The following SLC9A7 variants were observed in gnomAD, a reference collection of about 807,000 sequenced individuals.
The protein encoded by SLC9A7 is solute carrier family 9 member A7, also known as sodium/hydrogen exchanger 7.
SLC9A7 carries 19 observed loss-of-function variants against 52.6 expected under a neutral mutation model. The ratio of observed to expected loss-of-function variants is 0.36; its 90% CI spans 0.25 to 0.53. SLC9A7 has a LOEUF of 0.53. SLC9A7 is among the 20% of genes least tolerant of loss of function. The probability of loss-of-function intolerance (pLI) is 0.91; values close to 1 mark genes in which losing one functional copy is unlikely to be tolerated. For synonymous variants in SLC9A7, 226 were observed against 252.1 expected (o/e 0.90, Z 0.98); for missense variants, 455 against 597.9 (o/e 0.76, Z 2.49).
chrX:46,661,299 C>G (rs1943816708), intron 7 of SLC9A7, among the ~76,000 whole-genome samples: 1 of 109,719 alleles, frequency 9.1e-6, no homozygotes, highest in African/African-American at 3.3e-5. Context: ...GTGCAGCGCA[C>G]CAGCATGGCA....
chrX:46,739,708 T>C (rs1921195193), intron 1 of SLC9A7, among the ~76,000 whole-genome samples: 1 of 111,748 alleles, frequency 8.9e-6, no homozygotes, highest in South Asian at 3.7e-4. Context: ...TGGTAAACAG[T>C]TGTCTCCTAC....
chrX:46,684,018 T>A (rs1378934035), intron 1 of SLC9A7, among the ~76,000 whole-genome samples: 1 of 112,043 alleles, frequency 8.9e-6, no homozygotes. Flanking sequence ...AAAATCTGCA[T>A]CTGTGTTGTG....
intron 14 of SLC9A7, among the ~76,000 whole-genome samples, chrX:46,630,753 T>C (rs1298193358): frequency 2.7e-5 from 3 of 112,172 alleles, no homozygotes; most frequent in Non-Finnish European, 5.6e-5. Flanking sequence ...TCCCCTCCCA[T>C]TGGGTCTGGG....
chrX:46,662,225 A>G, intron 6 of SLC9A7, 68 bp from the exon 7 acceptor site: 1 of 990,037 alleles, frequency 1.0e-6, no homozygotes, highest in Non-Finnish European at 1.4e-6. Flanking sequence ...ACTTGAAAAT[A>G]TCGACAAACA....
intron 5 of SLC9A7, 78 bp from the exon 6 acceptor site, chrX:46,662,721 A>G: frequency 2.8e-6 from 2 of 722,049 alleles, no homozygotes; most frequent in East Asian, 6.8e-5. Context: ...TATAGAGGCA[A>G]TTCCTATCTT....
Position 46,758,942 on chromosome X carries a change from CCAGCAGCAGCGG to C in SLC9A7, c.76_87del (p.Pro26_Leu29del). On this transcript the variant is annotated inframe_deletion, in exon 1 of 17. Coordinates refer to ENST00000616978, the MANE Select transcript of SLC9A7 (RefSeq NM_001257291.2). ...GCGGCCGCGACTCGCAGCCCCCAAC[CCAGCAGCAGCGG>C]CAGCAGCAGCAGCCGCGGCGGCGGC... 3.6e-6 allele frequency: 4 copies of C among 1,098,067 alleles called. No homozygotes were observed. Among genetic ancestry groups the C allele is most frequent in the South Asian group, 4.7e-5 (2 of 42,250 alleles). The allele number at this position is 1,098,067 out of a possible 1,213,427, so 90.5% of individuals were successfully genotyped here.
intron 3 of SLC9A7, among the ~76,000 whole-genome samples, chrX:46,673,842 C>A (rs986221801): frequency 6.2e-5 from 7 of 112,025 alleles, no homozygotes; most frequent in African/African-American, 2.3e-4. Context: ...TGCCCCTAAG[C>A]CACCTGCTCA....
In SLC9A7 at chrX:46,738,663, G is replaced by A. The variant is rs112540963; in HGVS notation, c.325+20042C>T. 9.2e-3 allele frequency among the ~76,000 whole-genome samples: 1,006 copies of A among 109,799 alleles called. 11 individuals carry two copies. The highest frequency in any genetic ancestry group is 0.032 in the African/African-American group (958 of 30,134). On this transcript the variant is annotated intron_variant, in intron 1 of 16. Transcript: ENST00000616978. Reference sequence around the variant, plus strand: ...CACGTGCCTGTAGTCCCAGCTACTCGGGAGGTTGAGAAAGAAGAATCGCTT... The same window carrying A: ...CACGTGCCTGTAGTCCCAGCTACTCAGGAGGTTGAGAAAGAAGAATCGCTT...
intron 2 of SLC9A7, among the ~76,000 whole-genome samples, chrX:46,681,582 C>T (rs1944210297): frequency 8.9e-6 from 1 of 112,228 alleles, no homozygotes; most frequent in African/African-American, 3.2e-5. Context: ...ATACCTTAGC[C>T]TTGTGCTGTA....
chrX:46,691,565 A>G (rs973175470), intron 1 of SLC9A7, among the ~76,000 whole-genome samples: 1 of 111,933 alleles, frequency 8.9e-6, no homozygotes, highest in Non-Finnish European at 1.9e-5. Context: ...GAACATGCAT[A>G]TGTCAAAACC....
At chrX:46,699,944 C>T (rs746522953) in intron 1 of SLC9A7, among the ~76,000 whole-genome samples, 1 of 110,008 alleles carries the variant, frequency 9.1e-6, no homozygotes, top group Non-Finnish European at 1.9e-5. Context: ...AGTGAGACCT[C>T]GTATCTACAA....
chrX:46,657,463 G>A (rs762175000), intron 7 of SLC9A7, among the ~76,000 whole-genome samples: 1 of 110,519 alleles, frequency 9.0e-6, no homozygotes, highest in East Asian at 2.9e-4. Flanking sequence ...TCAGTGTGCT[G>A]TATTCAGGAA....
At chrX:46,701,105 T>C (rs781376621) in intron 1 of SLC9A7, among the ~76,000 whole-genome samples, 1 of 111,465 alleles carries the variant, frequency 9.0e-6, no homozygotes, top group East Asian at 2.8e-4. Flanking sequence ...TAATTTTCAC[T>C]ATGCTCTTGA....
intron 7 of SLC9A7, among the ~76,000 whole-genome samples, 171 bp from the exon 8 acceptor site, chrX:46,653,885 C>G (rs1392545151): frequency 9.2e-6 from 1 of 108,662 alleles, no homozygotes; most frequent in African/African-American, 3.4e-5. Context: ...ACAAATTAAG[C>G]TTTCCAGTGG....
intron 1 of SLC9A7, among the ~76,000 whole-genome samples, chrX:46,722,427 G>A (rs1402851998): frequency 9.0e-6 from 1 of 111,529 alleles, no homozygotes; most frequent in Non-Finnish European, 1.9e-5. Context: ...CAGAAAAATG[G>A]GGAACAGAGA....
chrX:46,757,763 G>A lies in SLC9A7; in HGVS notation c.325+942C>T, dbSNP rs782219235. 6.3e-5 allele frequency among the ~76,000 whole-genome samples: 7 copies of A among 110,323 alleles called. No homozygotes were observed. The South Asian group carries it at 2.4e-3, about 37-fold the overall frequency. On this transcript the variant is annotated intron_variant, in intron 1 of 16. Transcript: ENST00000616978. The stretch of plus-strand genomic sequence containing the variant: ...GGCAGGGCGAGGGGGGAGGCAGGGG[G>A]CACAGAAGAGGAAGAGGGATGACTC...
intron 1 of SLC9A7, among the ~76,000 whole-genome samples, chrX:46,735,275 T>C (rs1326584689): frequency 8.9e-6 from 1 of 111,737 alleles, no homozygotes; most frequent in African/African-American, 3.2e-5. Context: ...ATCACCTCTA[T>C]TGACTTATTA....
At chrX:46,625,579 A>G (rs1484773125) in intron 14 of SLC9A7, among the ~76,000 whole-genome samples, 1 of 110,405 alleles carries the variant, frequency 9.1e-6, no homozygotes, top group Non-Finnish European at 1.9e-5. Flanking sequence ...GTGTGGTGGC[A>G]CACACCTGTA....
chrX:46,696,006 G>C (rs868728772), intron 1 of SLC9A7, among the ~76,000 whole-genome samples: 1 of 90,276 alleles, frequency 1.1e-5, no homozygotes, highest in Non-Finnish European at 2.2e-5. Flanking sequence ...TTTATTTATA[G>C]ACAGAGTCTC....
Sources: allele counts gnomAD v4.1 joint callset (sites outside exome capture counted in the v4.1 genomes callset), GRCh38; gene constraint gnomAD v4.1.1; transcripts MANE v1.5; gene names NCBI Gene and HGNC (gene_info 2026-07-23, HGNC 2026-07-21).